MGAT4D: variants seen among roughly 807,000 people sequenced by gnomAD.
MGAT4D encodes the protein alpha-1,3-mannosyl-glycoprotein 4-beta-N-acetylglucosaminyltransferase-like protein MGAT4D.
MGAT4D carries 34 observed loss-of-function variants against 15.9 expected under a neutral mutation model. The observed-to-expected ratio is 2.14, with a 90% CI of 1.62 to 2.84. MGAT4D has a LOEUF of 2.84. MGAT4D is among the 30% of genes most tolerant of loss of function. MGAT4D has a pLI of 0.00. For synonymous variants in MGAT4D, 112 were observed against 48.2 expected, an observed-to-expected ratio of 2.33 and a Z score of -5.49; for missense variants, 327 against 140.2, an observed-to-expected ratio of 2.33 and a Z score of -6.73.
chr4:140,469,868 A>T (rs764235480), intron 5 of MGAT4D, among the ~76,000 whole-genome samples: 1 of 152,154 alleles, frequency 6.6e-6, no homozygotes, highest in South Asian at 2.1e-4. Context: ...GGGTCCCTGG[A>T]CCCTGGCTGC....
chr4:140,472,400 T>A (rs1383508426), intron 4 of MGAT4D, among the ~76,000 whole-genome samples: 1 of 152,254 alleles, frequency 6.6e-6, no homozygotes. Context: ...GGATAATTTT[T>A]AAAAAAATAA....
In MGAT4D at chr4:140,498,252, G is replaced by T. The variant is rs1370112238; in HGVS notation, c.-30C>A. ...CTGGCCAGGCTGCGGGAGGCCGGCG[G>T]GTGGAGGCGGCGGATAATGCCAGGG... On this transcript the variant is annotated 5_prime_UTR_variant, in exon 1 of 11. Coordinates refer to ENST00000511113, the MANE Select transcript of MGAT4D (RefSeq NM_001277353.2). 1.7e-5 allele frequency: 12 copies of T among 701,484 alleles called. No homozygotes were observed. Among genetic ancestry groups the T allele is most frequent in the Non-Finnish European group, 3.1e-5 (12 of 384,202 alleles). The allele number at this position is 701,484 out of a possible 1,614,324, so 43.5% of individuals were successfully genotyped here. A position where few individuals can be genotyped will look rare whatever the true frequency, so the allele number is the denominator to read the frequency against.
rs575410811 is a variant in MGAT4D at position 140,479,492 on chromosome 4, C to A, written c.389G>T (p.Gly130Val). 2 of 482,858 alleles carry A rather than the reference C, an allele frequency of 4.1e-6. No individual in the cohort carries two copies. Among genetic ancestry groups the A allele is most frequent in the South Asian group, 7.2e-5 (2 of 27,914 alleles). The allele number at this position is 482,858 out of a possible 1,614,324, so 29.9% of individuals were successfully genotyped here. A position where few individuals can be genotyped will look rare whatever the true frequency, so the allele number is the denominator to read the frequency against. ...PDVIIGKGKT[G>V]VSFALGISTV... is the part of the protein sequence containing the mutation. ...TTTCCAATTCTAAGTTTTCTTACCA[C>A]CAGTTTTCCCTTTGCCAATGATTAC... The change falls in exon 3 of 11, where the codon GGT becomes GTT. Residue 130 changes from glycine (G) to valine (V), a missense_variant and splice_region_variant. Physicochemically the swap from Gly to Val is moderately radical, Grantham distance 109 (BLOSUM62 -3). Transcript: ENST00000511113.
At chr4:140,482,212 A>G in intron 2 of MGAT4D, 115 bp downstream of exon 2, 1 of 477,860 alleles carries the variant, frequency 2.1e-6, no homozygotes, top group Non-Finnish European at 3.7e-6. Context: ...ACGTCTCACA[A>G]TAAAAGAACC....
At chr4:140,465,169 C>T (rs1731449186) in intron 5 of MGAT4D, among the ~76,000 whole-genome samples, 160 bp from the exon 6 acceptor site, 1 of 152,084 alleles carries the variant, frequency 6.6e-6, no homozygotes, top group African/African-American at 2.4e-5. Flanking sequence ...CTAGCCAAAG[C>T]ATTTTTTTAT....
intron 9 of MGAT4D, among the ~76,000 whole-genome samples, chr4:140,454,359 T>C (rs1003332902): frequency 6.6e-6 from 1 of 152,206 alleles, no homozygotes; most frequent in South Asian, 2.1e-4. Flanking sequence ...CATCAGTTGA[T>C]ATTAACATGT....
intron 10 of MGAT4D, among the ~76,000 whole-genome samples, chr4:140,445,028 C>T (rs1054123949): frequency 2.0e-5 from 3 of 150,352 alleles, no homozygotes; most frequent in South Asian, 2.1e-4. Flanking sequence ...ATTACAGGCA[C>T]GTGCCACCAC....
intron 1 of MGAT4D, among the ~76,000 whole-genome samples, chr4:140,488,546 T>C (rs776383901): frequency 1.1e-4 from 16 of 151,562 alleles, no homozygotes; most frequent in Non-Finnish European, 1.8e-4. Context: ...AACTGAGGAG[T>C]AGGAGAGGTG....
At chr4:140,498,077 C>T in intron 1 of MGAT4D, 52 bp downstream of exon 1, 1 of 691,116 alleles carries the variant, frequency 1.4e-6, no homozygotes, top group Non-Finnish European at 2.6e-6. Context: ...ATTCCTGCAG[C>T]CCCGAAGCCC....
intron 1 of MGAT4D, among the ~76,000 whole-genome samples, chr4:140,491,924 T>C (rs1394800776): frequency 6.6e-6 from 1 of 152,104 alleles, no homozygotes; most frequent in Non-Finnish European, 1.5e-5. Flanking sequence ...CAGCAGACTG[T>C]TTCTCCAAAG....
chr4:140,475,807 C>CTTTTTTT (rs10711919), intron 3 of MGAT4D, among the ~76,000 whole-genome samples: 3 of 105,412 alleles, frequency 2.8e-5, no homozygotes, highest in Admixed American at 1.1e-4. Flanking sequence ...TATTGGCTTT[C>CTTTTTTT]TTTTTTTTTT....
At chr4:140,454,083 T>C (rs1387795947) in intron 9 of MGAT4D, among the ~76,000 whole-genome samples, 3 of 152,064 alleles carry the variant, frequency 2.0e-5, no homozygotes, top group Admixed American at 6.6e-5. Flanking sequence ...GGCATTTGCT[T>C]TTCAATTCAC....
intron 1 of MGAT4D, among the ~76,000 whole-genome samples, chr4:140,497,799 G>C: frequency 6.6e-6 from 1 of 152,260 alleles, no homozygotes; most frequent in East Asian, 1.9e-4. Context: ...GGAAGAACAG[G>C]AGAGGGGAAA....
At chr4:140,447,746 G>GTTAGCTGGTTAGC (rs1275411413) in intron 10 of MGAT4D, among the ~76,000 whole-genome samples, 1 of 151,932 alleles carries the variant, frequency 6.6e-6, no homozygotes, top group Non-Finnish European at 1.5e-5. Context: ...TCCTGTCATT[G>GTTAGCTGGTTAGC]TGTTGTTAGC....
intron 7 of MGAT4D, among the ~76,000 whole-genome samples, chr4:140,460,639 C>A (rs960302498): frequency 5.3e-5 from 8 of 152,132 alleles, no homozygotes; most frequent in Non-Finnish European, 7.4e-5. Flanking sequence ...AGTTTGAGAC[C>A]AGCCTGGGCA....
chr4:140,465,044 ATATT>A, intron 5 of MGAT4D, 35 bp from the exon 6 acceptor site: 2 of 672,824 alleles, frequency 3.0e-6, no homozygotes, highest in South Asian at 3.3e-5. Flanking sequence ...TTATAATTGA[ATATT>A]TAATTTTCCA....
chr4:140,447,340 C>T (rs546592807), intron 10 of MGAT4D, among the ~76,000 whole-genome samples: 5 of 152,164 alleles, frequency 3.3e-5, no homozygotes, highest in South Asian at 2.1e-4. Flanking sequence ...TGGCAGTCTA[C>T]GTCTCTTTGT....
At chr4:140,458,015 T>A (rs1359225016) in intron 8 of MGAT4D, 1 of 152,054 alleles carries the variant, frequency 6.6e-6, no homozygotes, top group Non-Finnish European at 1.5e-5. Flanking sequence ...AATATATACA[T>A]ATAATAATAG....
At chr4:140,446,759 T>G (rs1730158958) in intron 10 of MGAT4D, among the ~76,000 whole-genome samples, 1 of 127,268 alleles carries the variant, frequency 7.9e-6, no homozygotes, top group African/African-American at 3.0e-5. Flanking sequence ...TTTTTTTTTT[T>G]TTTTTTTTTT....
Sources: gnomAD v4.1 joint callset for allele counts (sites outside exome capture counted in the v4.1 genomes callset) on GRCh38, gnomAD v4.1.1 for gene constraint, MANE v1.5 for transcripts, NCBI Gene and HGNC (gene_info 2026-07-23, HGNC 2026-07-21) for gene names.